The following THSD7B variants were observed in gnomAD, a reference collection of about 807,000 sequenced individuals.
THSD7B encodes thrombospondin type 1 domain containing 7B.
A neutral mutation model predicts 213.6 loss-of-function variants in THSD7B; 138 were observed. That is an observed-to-expected ratio of 0.65 (90% confidence interval 0.56 to 0.74). THSD7B has a LOEUF of 0.74. Among genes scored for constraint, THSD7B ranks in the 30% least tolerant of loss-of-function variants. The pLI, the probability that THSD7B is intolerant of heterozygous loss-of-function variation, is 0.00. For synonymous variants in THSD7B, 742 were observed against 687.0 expected, an observed-to-expected ratio of 1.08 and a Z score of -1.25; for missense variants, 1,931 against 1,991.5, an observed-to-expected ratio of 0.97 and a Z score of 0.58.
intron 6 of THSD7B, among the ~76,000 whole-genome samples, chr2:137,167,458 G>A (rs545008550): frequency 9.9e-5 from 15 of 152,072 alleles, no homozygotes; most frequent in East Asian, 7.8e-4. Context: ...CAATGGAGTC[G>A]GTGTTGAGAC....
intron 15 of THSD7B, among the ~76,000 whole-genome samples, chr2:137,470,226 G>A (rs998700222): frequency 5.9e-5 from 9 of 152,128 alleles, no homozygotes. Context: ...GAATCAATAT[G>A]GGAAGCAGAT....
intron 20 of THSD7B, among the ~76,000 whole-genome samples, chr2:137,636,567 C>T (rs1270488250): frequency 6.6e-6 from 1 of 152,122 alleles, no homozygotes; most frequent in African/African-American, 2.4e-5. Flanking sequence ...AGAAAAAAGT[C>T]TCATTTAAAT....
intron 2 of THSD7B, among the ~76,000 whole-genome samples, chr2:137,054,380 G>C (rs1687121947): frequency 6.6e-6 from 1 of 152,208 alleles, no homozygotes; most frequent in Admixed American, 6.5e-5. Context: ...CTATTGCCAA[G>C]AATGCCAGGT....
At chr2:136,820,613 A>G (rs941067245) in intron 1 of THSD7B, among the ~76,000 whole-genome samples, 2 of 152,210 alleles carry the variant, frequency 1.3e-5, no homozygotes, top group Non-Finnish European at 1.5e-5. Context: ...AACAAATGAA[A>G]TGTGTGGTCC....
intron 15 of THSD7B, among the ~76,000 whole-genome samples, chr2:137,500,819 C>T (rs1292298923): frequency 1.3e-5 from 2 of 152,198 alleles, no homozygotes; most frequent in African/African-American, 4.8e-5. Flanking sequence ...TATGTATCCA[C>T]TCAGGTCAGT....
At chr2:137,207,310 T>C (rs1681007433) in intron 7 of THSD7B, among the ~76,000 whole-genome samples, 1 of 152,126 alleles carries the variant, frequency 6.6e-6, no homozygotes, top group Non-Finnish European at 1.5e-5. Context: ...AATGGGTACA[T>C]CATTGCTCAG....
intron 15 of THSD7B, among the ~76,000 whole-genome samples, chr2:137,551,158 C>G (rs750088109): frequency 5.3e-5 from 8 of 152,018 alleles, no homozygotes; most frequent in Non-Finnish European, 1.2e-4. Context: ...TGAAAGTGAT[C>G]TCTGAAGGTC....
chr2:137,095,509 A>G (rs570472386), intron 4 of THSD7B, among the ~76,000 whole-genome samples: 1 of 152,302 alleles, frequency 6.6e-6, no homozygotes, highest in South Asian at 2.1e-4. Context: ...CATTTTACAA[A>G]TGAAGCTACT....
At chr2:137,401,444 A>ATGAT (rs2104997256) in intron 12 of THSD7B, among the ~76,000 whole-genome samples, 1 of 152,316 alleles carries the variant, frequency 6.6e-6, no homozygotes, top group African/African-American at 2.4e-5. Context: ...TATGAATAAA[A>ATGAT]TGATTGCTTT....
At chr2:137,109,988 C>G (rs1688319375) in intron 4 of THSD7B, among the ~76,000 whole-genome samples, 2 of 152,182 alleles carry the variant, frequency 1.3e-5, no homozygotes, top group African/African-American at 2.4e-5. Flanking sequence ...CTCTGCCTCC[C>G]TGGGGACTTT....
intron 12 of THSD7B, among the ~76,000 whole-genome samples, chr2:137,397,817 ATTTGGTCTTTT>A (rs1686233038): frequency 2.1e-5 from 3 of 145,186 alleles, no homozygotes; most frequent in Admixed American, 1.4e-4. Flanking sequence ...TCAGACGTAG[ATTTGGTCTTTT>A]CACATAGTCC....
chr2:137,581,567 C>T (rs1366571007), intron 17 of THSD7B, among the ~76,000 whole-genome samples: 12 of 151,852 alleles, frequency 7.9e-5, no homozygotes, highest in Non-Finnish European at 1.3e-4. Flanking sequence ...GCTGAGATAG[C>T]GTCACTGCAC....
At chr2:137,431,949 T>G (rs1285106830) in intron 14 of THSD7B, among the ~76,000 whole-genome samples, 2 of 152,200 alleles carry the variant, frequency 1.3e-5, no homozygotes, top group Non-Finnish European at 2.9e-5. Flanking sequence ...AAGAATCTGC[T>G]TAAACCTACT....
chr2:137,445,284 T>C (rs984290312), intron 14 of THSD7B, among the ~76,000 whole-genome samples: 1 of 151,994 alleles, frequency 6.6e-6, no homozygotes, highest in Non-Finnish European at 1.5e-5. Flanking sequence ...AGGGAATCAA[T>C]ATATCAAAGT....
At chr2:137,612,063 A>C (rs1375235454) in intron 17 of THSD7B, among the ~76,000 whole-genome samples, 2 of 152,206 alleles carry the variant, frequency 1.3e-5, no homozygotes, top group Non-Finnish European at 2.9e-5. Flanking sequence ...TGTAATTTAC[A>C]ATGATTTCAC....
chr2:136,840,233 G>T (rs962513914), intron 1 of THSD7B, among the ~76,000 whole-genome samples: 2 of 152,060 alleles, frequency 1.3e-5, no homozygotes, highest in African/African-American at 4.8e-5. Context: ...ACAAAAATTA[G>T]CCAGGAGTGG....
chr2:137,529,499 A>T (rs1680356084), intron 15 of THSD7B, among the ~76,000 whole-genome samples: 1 of 152,016 alleles, frequency 6.6e-6, no homozygotes, highest in Non-Finnish European at 1.5e-5. Flanking sequence ...TTGAACCTTG[A>T]AAGAGAAGAA....
chr2:137,203,890 A>C (rs575234201), intron 7 of THSD7B, among the ~76,000 whole-genome samples: 27 of 152,230 alleles, frequency 1.8e-4, no homozygotes, highest in African/African-American at 6.3e-4. Context: ...GAACTTGAGG[A>C]CATAATACTA....
chr2:137,436,269 T>C (rs906987843), intron 14 of THSD7B, among the ~76,000 whole-genome samples: 21 of 152,188 alleles, frequency 1.4e-4, no homozygotes, highest in Non-Finnish European at 1.5e-5. Context: ...AAATATGCTA[T>C]GTCTTTCTCT....
Sources: allele counts gnomAD v4.1 joint callset (sites outside exome capture counted in the v4.1 genomes callset), GRCh38; gene constraint gnomAD v4.1.1; transcripts MANE v1.5; gene names NCBI Gene and HGNC (gene_info 2026-07-23, HGNC 2026-07-21).